Variants in SLC6A4 observed in about 807,000 individuals in gnomAD.
The protein encoded by SLC6A4 is sodium-dependent serotonin transporter.
A neutral mutation model predicts 73.4 loss-of-function variants in SLC6A4; 22 were observed. That is an observed-to-expected ratio of 0.30 (90% CI 0.21 to 0.43). SLC6A4 has a LOEUF of 0.43. Among genes scored for constraint, SLC6A4 ranks in the 20% least tolerant of loss-of-function variants. The pLI is 1.00. For missense variants in SLC6A4, 593 were observed against 808.5 expected, an observed-to-expected ratio of 0.73 and a Z score of 3.23; for synonymous variants, 270 against 315.5, an observed-to-expected ratio of 0.86 and a Z score of 1.53.
chr17:30,214,545 G>T (rs1046435337), intron 8 of SLC6A4, among the ~76,000 whole-genome samples: 2 of 149,388 alleles, frequency 1.3e-5, no homozygotes, highest in Non-Finnish European at 3.0e-5. Context: ...AATTTTTATT[G>T]TTAAACACAT....
intron 4 of SLC6A4, 93 bp downstream of exon 4, chr17:30,218,704 T>C: frequency 1.4e-6 from 2 of 1,381,312 alleles, no homozygotes; most frequent in Non-Finnish European, 2.0e-6. Context: ...AAGGCCTGAC[T>C]GATTCCAGAA....
rs930036219 is a variant in SLC6A4, at chr17:30,235,178, C to T, written c.-221+435G>A. Among the ~76,000 whole-genome samples, 1 of 152,276 alleles carries T rather than the reference C, an allele frequency of 6.6e-6. No individual in the cohort carries two copies. The highest frequency in any genetic ancestry group is 3.4e-3 in the Middle Eastern group (1 of 294). On this transcript the variant is annotated intron_variant, in intron 1 of 14. Transcript: ENST00000650711. This position sits in a 1 kb window ranked among gnomAD's most constrained non-coding sequence, Gnocchi z 4.5. ...GGCATTTGTGTCAACCAGAACTCTC[C>T]CTTTGCATAAAGCCACCTGCACGCG...
rs45541837 is a variant in SLC6A4 at position 30,222,868 on chromosome 17, G to C, written c.-173C>G. ...AGCAACTCCTGTGGCTAAGCCCCTT[G>C]TTATTCTGCAAGAGAGGGCAAGCAA... On this transcript the variant is annotated 5_prime_UTR_variant, in exon 2 of 15. Coordinates refer to ENST00000650711, the MANE Select transcript of SLC6A4 (RefSeq NM_001045.6). 1,858 of 1,303,672 alleles carry C rather than the reference G, an allele frequency of 1.4e-3. 31 individuals are homozygous for C. In the African/African-American group the frequency reaches 0.026, roughly 18 times the overall value. The allele number at this position is 1,303,672 out of a possible 1,614,324, so 80.8% of individuals were successfully genotyped here. A position where few individuals can be genotyped will look rare whatever the true frequency, so the allele number is the denominator to read the frequency against.
At position 30,196,371 on chromosome 17, in the gene SLC6A4, T is replaced by G. The variant is rs746067804; in HGVS notation, c.*2085A>C. ...AACAGACAGAGATTTTCGATTTTTTTTTTTTAGTTTAATAAAGTTTGAAAA... is the reference window on the plus strand; with the variant it reads ...AACAGACAGAGATTTTCGATTTTTTGTTTTTAGTTTAATAAAGTTTGAAAA... On this transcript the variant is annotated 3_prime_UTR_variant, in exon 15 of 15. Transcript: ENST00000650711. 1 of 152,148 alleles carries G rather than the reference T, an allele frequency of 6.6e-6. No individual in the cohort carries two copies. Among genetic ancestry groups the G allele is most frequent in the Non-Finnish European group, 1.5e-5 (1 of 68,002 alleles). The allele number at this position is 152,148 out of a possible 1,614,324, so 9.4% of individuals were successfully genotyped here.
intron 3 of SLC6A4, 89 bp from the exon 4 acceptor site, chr17:30,219,020 G>A (rs1176140232): frequency 6.6e-7 from 1 of 1,521,826 alleles, no homozygotes; most frequent in Non-Finnish European, 9.0e-7. Flanking sequence ...ACAGTCGCCG[G>A]ATGATGTGAG....
rs536180756 is a variant in SLC6A4, at chr17:30,217,800, G to C, written c.698+318C>G. 1.4e-4 allele frequency among the ~76,000 whole-genome samples: 21 copies of C among 152,304 alleles called. No individual in the cohort carries two copies. The South Asian group carries it at 4.4e-3, about 32-fold the overall frequency. On this transcript the variant is annotated intron_variant, in intron 5 of 14. Coordinates refer to ENST00000650711, the MANE Select transcript of SLC6A4 (RefSeq NM_001045.6). The stretch of plus-strand genomic sequence containing the variant: ...AACTATCAAAGTACTAGGATGCTTC[G>C]CCTCCATGACATTTGGCTGAGAGGA...
rs548965311 is a variant in SLC6A4, at chr17:30,204,867, C to T, written c.1651-1528G>A. Among the ~76,000 whole-genome samples, 10 of 152,068 alleles carry T rather than the reference C, an allele frequency of 6.6e-5. No homozygotes were observed. The East Asian group carries it at 1.4e-3, about 21-fold the overall frequency. On this transcript the variant is annotated intron_variant, in intron 13 of 14. Transcript: ENST00000650711. ...TAGTGCGCCCACATCCAAAGCTGCACGTGGGTTTTCCTGGGCAAAGAAACT... is the reference window on the plus strand; with the variant it reads ...TAGTGCGCCCACATCCAAAGCTGCATGTGGGTTTTCCTGGGCAAAGAAACT...
At chr17:30,219,902 G>A (rs571316604) in intron 3 of SLC6A4, among the ~76,000 whole-genome samples, 2 of 152,276 alleles carry the variant, frequency 1.3e-5, no homozygotes, top group Admixed American at 6.5e-5. Flanking sequence ...AACCCGGCTC[G>A]AGAATAAAAC....
rs912252869 is a variant in SLC6A4 at position 30,211,107 on chromosome 17, C to T, written c.1317+205G>A. Among the ~76,000 whole-genome samples, 1 of 152,244 alleles carries T rather than the reference C, an allele frequency of 6.6e-6. No homozygotes were observed. Among genetic ancestry groups the T allele is most frequent in the Non-Finnish European group, 1.5e-5 (1 of 68,048 alleles). On this transcript the variant is annotated intron_variant, in intron 10 of 14. Coordinates refer to ENST00000650711, the MANE Select transcript of SLC6A4 (RefSeq NM_001045.6). The surrounding 1 kb of genome is among the most constrained non-coding windows in gnomAD (Gnocchi z 4.0). ...AGCCTTGGGCCTCATAAGCGCCTGGCGCTTGACCCACTTTATCCCATTAAT... is the reference window on the plus strand; with the variant it reads ...AGCCTTGGGCCTCATAAGCGCCTGGTGCTTGACCCACTTTATCCCATTAAT...
In SLC6A4 at chr17:30,217,412, C is replaced by G. The variant is rs1906612423; in HGVS notation, c.699-108G>C. The G allele has an allele frequency of 3.5e-6, 4 of 1,132,678 alleles. No homozygotes were observed. In the South Asian group the frequency reaches 6.2e-5, roughly 18 times the overall value. The allele number at this position is 1,132,678 out of a possible 1,614,324, so 70.2% of individuals were successfully genotyped here. A position where few individuals can be genotyped will look rare whatever the true frequency, so the allele number is the denominator to read the frequency against. ...CCCGGGACAAATGGACACGGTGCTG[C>G]TAGGACCAAGTGGTCACTGAGGCCC... is the stretch of plus-strand genomic sequence containing the variant. On this transcript the variant is annotated intron_variant, in intron 5 of 14. Coordinates refer to ENST00000650711, the MANE Select transcript of SLC6A4 (RefSeq NM_001045.6).
At chr17:30,203,565 C>T (rs1906099779) in intron 13 of SLC6A4, 1 of 528,570 alleles carries the variant, frequency 1.9e-6, no homozygotes. Context: ...CTCCCCAGCC[C>T]TCACTTCCTA....
intron 13 of SLC6A4, chr17:30,203,576 T>G (rs1906100516): frequency 4.2e-6 from 2 of 475,176 alleles, no homozygotes; most frequent in Admixed American, 6.7e-5. Context: ...TCACTTCCTA[T>G]AGGGGGATGT....
chr17:30,211,357 G>A lies in SLC6A4; in HGVS notation c.1272C>T (p.Ala424=). Residue 424 remains alanine, a synonymous_variant, in exon 10 of 15, where the codon GCC becomes GCT. Coordinates refer to ENST00000650711, the MANE Select transcript of SLC6A4 (RefSeq NM_001045.6). The surrounding 1 kb of genome is among the most constrained non-coding windows in gnomAD (Gnocchi z 4.0). Reference sequence around the variant, plus strand: ...TGATTAACATCAGAAAGAAGATGATGGCAAAGAAAGTGGACGCTGGCATGT... The same window carrying A: ...TGATTAACATCAGAAAGAAGATGATAGCAAAGAAAGTGGACGCTGGCATGT... ...IANMPASTFF[A]IIFFLMLITL... is the part of the protein sequence containing the mutation. The A allele has an allele frequency of 6.2e-7, 1 of 1,613,612 alleles. No individual in the cohort carries two copies. The highest frequency in any genetic ancestry group is 8.5e-7 in the Non-Finnish European group (1 of 1,179,668).
At chr17:30,214,719 ACCTCCT>A in intron 8 of SLC6A4, among the ~76,000 whole-genome samples, 1 of 135,362 alleles carries the variant, frequency 7.4e-6, no homozygotes, top group Non-Finnish European at 1.6e-5. Context: ...CGCAAACTCC[ACCTCCT>A]GGGTTCACGC....
chr17:30,215,880 G>A (rs1389286858), intron 7 of SLC6A4, among the ~76,000 whole-genome samples, 166 bp from the exon 8 acceptor site: 1 of 152,114 alleles, frequency 6.6e-6, no homozygotes, highest in Non-Finnish European at 1.5e-5. Flanking sequence ...CAACAAATGT[G>A]ATTTCTCTTC....
chr17:30,214,320 G>A (rs1422702662), intron 8 of SLC6A4, among the ~76,000 whole-genome samples: 1 of 149,848 alleles, frequency 6.7e-6, no homozygotes, highest in East Asian at 2.1e-4. Context: ...TACTCGGGAG[G>A]CTGAGGCAGG....
chr17:30,218,957 C>T (rs1567820691), intron 3 of SLC6A4, 26 bp from the exon 4 acceptor site: 1 of 1,613,258 alleles, frequency 6.2e-7, no homozygotes, highest in South Asian at 1.1e-5. Context: ...GACAATTTCA[C>T]TCCCTGCCCA....
chr17:30,227,672 AGATGGG>A (rs1344041121), intron 1 of SLC6A4, among the ~76,000 whole-genome samples: 1 of 152,022 alleles, frequency 6.6e-6, no homozygotes, highest in East Asian at 1.9e-4. Flanking sequence ...TTTTTTTCAG[AGATGGG>A]GTTTCACCAT....
intron 11 of SLC6A4, among the ~76,000 whole-genome samples, chr17:30,209,580 G>T (rs923127689): frequency 6.6e-6 from 1 of 151,722 alleles, no homozygotes; most frequent in African/African-American, 2.4e-5. Context: ...GAGAGGCAGA[G>T]GTTGCAGTGA....
Sources: allele counts gnomAD v4.1 joint callset (sites outside exome capture counted in the v4.1 genomes callset), GRCh38; gene constraint gnomAD v4.1.1; non-coding constraint Gnocchi (gnomAD v3.1); transcripts MANE v1.5; gene names NCBI Gene and HGNC (gene_info 2026-07-23, HGNC 2026-07-21).